Variants in ADAM17 observed in about 807,000 individuals in gnomAD.
ADAM17 encodes disintegrin and metalloproteinase domain-containing protein 17.
In ADAM17, 39 loss-of-function variants were observed where a neutral mutation model predicts 96.7. The observed-to-expected ratio is 0.40, with a 90% CI of 0.31 to 0.53. The LOEUF (loss-of-function observed/expected upper bound fraction) is 0.53, where lower values mean the gene tolerates loss of function less well. ADAM17 is among the 20% of genes least tolerant of loss of function. ADAM17 has a pLI of 0.44. For synonymous variants in ADAM17, 344 were observed against 359.2 expected (o/e 0.96, Z 0.48); for missense variants, 777 against 1,013.2 (o/e 0.77, Z 3.17).
At position 9,535,911 on chromosome 2, in the gene ADAM17, A is replaced by T. The variant is rs772557660; in HGVS notation, c.373T>A (p.Ser125Thr). The T allele has an allele frequency of 1.3e-6, 2 of 1,577,664 alleles. No individual in the cohort carries two copies. ...FTGHVVGEPD[S>T]RVLAHIRDDD... is the part of the protein sequence containing the mutation. ...TCTCTTATGTGGGCTAGAACCCTAGAGTCAGGCTCACCTTAAGAGAAAAAA... is the reference window on the plus strand; with the variant it reads ...TCTCTTATGTGGGCTAGAACCCTAGTGTCAGGCTCACCTTAAGAGAAAAAA... Residue 125 changes from serine to threonine, a missense_variant, in exon 4 of 19, where the codon TCT becomes ACT. Transcript: ENST00000310823.
Position 9,497,258 on chromosome 2 carries a change from A to T in ADAM17, c.1649-10T>A, listed in dbSNP as rs1194750781. The T allele has an allele frequency of 6.2e-7, 1 of 1,613,744 alleles. No individual in the cohort carries two copies. The highest frequency in any genetic ancestry group is 1.3e-5 in the African/African-American group (1 of 74,930). ...CACTCACTGCTATTACCTGGAAGCA[A>T]ACACCAGTCATAACAAAAAGAATGA... On this transcript the variant is annotated splice_polypyrimidine_tract_variant and intron_variant, in intron 13 of 18. Transcript: ENST00000310823.
Position 9,555,519 on chromosome 2 carries a change from G to A in ADAM17, c.87C>T (p.His29=). ...RPPDDPGFGP[H]QRLEKLDSLL... is the part of the protein sequence containing the mutation. The stretch of plus-strand genomic sequence containing the variant: ...CCCCTGGGTCTTTACCGAGTCTCTG[G>A]TGGGGGCCGAAGCCCGGGTCATCCG... The change falls in exon 1 of 19, where the codon CAC becomes CAT. Residue 29 remains histidine, a synonymous_variant. Coordinates refer to ENST00000310823, the MANE Select transcript of ADAM17 (RefSeq NM_003183.6). 1 of 1,597,684 alleles carries A rather than the reference G, an allele frequency of 6.3e-7. No homozygotes were observed. The highest frequency in any genetic ancestry group is 1.3e-5 in the African/African-American group (1 of 74,758).
At chr2:9,515,691 G>A (rs182236337) in intron 10 of ADAM17, among the ~76,000 whole-genome samples, 96 of 147,158 alleles carry the variant, frequency 6.5e-4, no homozygotes, top group African/African-American at 2.3e-3. Context: ...CCGAGATGGC[G>A]CCATTGCACT....
chr2:9,529,527 C>T (rs1176890698), intron 4 of ADAM17, among the ~76,000 whole-genome samples: 1 of 152,022 alleles, frequency 6.6e-6, no homozygotes, highest in African/African-American at 2.4e-5. Context: ...CCCAAACAGA[C>T]AAATCTAAAT....
chr2:9,510,663 C>CAAAA, intron 10 of ADAM17, among the ~76,000 whole-genome samples: 1 of 84,818 alleles, frequency 1.2e-5, no homozygotes, highest in South Asian at 4.0e-4. Context: ...GACTTCGTCT[C>CAAAA]AAAAAAAAAA....
At chr2:9,524,394 G>A (rs937761603) in intron 6 of ADAM17, among the ~76,000 whole-genome samples, 1 of 152,100 alleles carries the variant, frequency 6.6e-6, no homozygotes, top group Non-Finnish European at 1.5e-5. Flanking sequence ...GGAGGCTGAG[G>A]TGGGAAGATT....
intron 4 of ADAM17, among the ~76,000 whole-genome samples, chr2:9,532,390 A>G (rs1334664670): frequency 6.6e-6 from 1 of 152,194 alleles, no homozygotes; most frequent in East Asian, 1.9e-4. Flanking sequence ...GTAAGTAGTA[A>G]ATCATTTTTT....
intron 6 of ADAM17, 141 bp from the exon 7 acceptor site, chr2:9,523,479 G>T: frequency 1.5e-6 from 1 of 648,116 alleles, no homozygotes; most frequent in Non-Finnish European, 2.6e-6. Context: ...AACTAGCATT[G>T]AGATGTTACT....
rs991557450 is a variant in ADAM17 at position 9,537,550 on chromosome 2, A to T, written c.231-722T>A. 2.1e-4 allele frequency among the ~76,000 whole-genome samples: 32 copies of T among 152,000 alleles called. 1 individual carries two copies. Among genetic ancestry groups the T allele is most frequent in the African/African-American group, 7.7e-4 (32 of 41,384 alleles). ...AGATCGAGACCATCCTGGCTAACAC[A>T]GCGAAACCCCATCTCTACTAAAAAT... On this transcript the variant is annotated intron_variant, in intron 2 of 18. Transcript: ENST00000310823.
intron 10 of ADAM17, 126 bp downstream of exon 10, chr2:9,517,775 T>C (rs553680986): frequency 3.8e-5 from 23 of 603,520 alleles, no homozygotes; most frequent in Middle Eastern, 5.0e-4. Context: ...ACATAAATTT[T>C]ATTTAGGCAG....
At chr2:9,498,931 T>C (rs1662813478) in intron 13 of ADAM17, among the ~76,000 whole-genome samples, 1 of 152,110 alleles carries the variant, frequency 6.6e-6, no homozygotes, top group Non-Finnish European at 1.5e-5. Flanking sequence ...GTCCCCAAAG[T>C]TTAGCATGCA....
chr2:9,525,811 A>G (rs544287244), intron 6 of ADAM17, among the ~76,000 whole-genome samples: 1 of 152,360 alleles, frequency 6.6e-6, no homozygotes, highest in Non-Finnish European at 1.5e-5. Flanking sequence ...CTACCATGAT[A>G]GCAGTGATGT....
At position 9,502,280 on chromosome 2, in the gene ADAM17, G is replaced by A; in HGVS notation, c.1545-4C>T. The A allele has an allele frequency of 6.2e-7, 1 of 1,607,064 alleles. No individual in the cohort carries two copies. On this transcript the variant is annotated splice_region_variant and splice_polypyrimidine_tract_variant and intron_variant, in intron 12 of 18. Coordinates refer to ENST00000310823, the MANE Select transcript of ADAM17 (RefSeq NM_003183.6). ...ACAGCAAGGACTGTTCCTGTCACTG[G>A]AGAAGAACAGCAGACAGGAACAGAG...
At chr2:9,514,568 T>TAAAA (rs1438303218) in intron 10 of ADAM17, among the ~76,000 whole-genome samples, 1 of 100,536 alleles carries the variant, frequency 9.9e-6, no homozygotes, top group Non-Finnish European at 2.0e-5. Flanking sequence ...TATATATATA[T>TAAAA]AAATAAAAAG....
At chr2:9,521,120 G>C in intron 8 of ADAM17, 83 bp downstream of exon 8, 6 of 1,126,958 alleles carry the variant, frequency 5.3e-6, no homozygotes, top group Non-Finnish European at 8.0e-6. Flanking sequence ...TTTCTAACAT[G>C]CTCCTTCATT....
Position 9,535,940 on chromosome 2 carries a change from AT to A in ADAM17, c.362-19del. 6.9e-7 allele frequency: 1 copy of A among 1,443,306 alleles called. No homozygotes were observed. Among genetic ancestry groups the A allele is most frequent in the Non-Finnish European group, 9.3e-7 (1 of 1,074,962 alleles). The allele number at this position is 1,443,306 out of a possible 1,614,324, so 89.4% of individuals were successfully genotyped here. On this transcript the variant is annotated intron_variant, in intron 3 of 18. Transcript: ENST00000310823. ...AGGCTCACCTTAAGAGAAAAAAAAA[AT>A]TATTATTTAAAAATACTTACATCAA... is the stretch of plus-strand genomic sequence containing the variant.
chr2:9,518,019 G>A (rs1332120702), intron 9 of ADAM17, 30 bp from the exon 10 acceptor site: 9 of 1,577,790 alleles, frequency 5.7e-6, no homozygotes, highest in African/African-American at 1.4e-5. Flanking sequence ...GAGATAAATT[G>A]CTTATTAAAT....
At chr2:9,533,953 C>G (rs557976134) in intron 4 of ADAM17, among the ~76,000 whole-genome samples, 1 of 152,218 alleles carries the variant, frequency 6.6e-6, no homozygotes, top group African/African-American at 2.4e-5. Flanking sequence ...GAGCTTCCTA[C>G]AGTTTCTTCA....
chr2:9,518,257 A>T lies in ADAM17; in HGVS notation c.958-10T>A. The stretch of plus-strand genomic sequence containing the variant: ...TATCAAAGCTAAATTGCTTTGAAAG[A>T]CCAAAAAAAAAAAAAAAAAAAAAAG... On this transcript the variant is annotated splice_polypyrimidine_tract_variant and intron_variant, in intron 8 of 18. Transcript: ENST00000310823. 8.0e-7 allele frequency: 1 copy of T among 1,246,386 alleles called. No individual in the cohort carries two copies. The allele number at this position is 1,246,386 out of a possible 1,614,324, so 77.2% of individuals were successfully genotyped here.
Sources: allele counts gnomAD v4.1 joint callset (sites outside exome capture counted in the v4.1 genomes callset), GRCh38; gene constraint gnomAD v4.1.1; transcripts MANE v1.5; gene names NCBI Gene and HGNC (gene_info 2026-07-23, HGNC 2026-07-21).